Variants in KATNAL2 observed in about 807,000 individuals in gnomAD.
The protein encoded by KATNAL2 is katanin p60 ATPase-containing subunit A-like 2.
In KATNAL2, 52 loss-of-function variants were observed where a neutral mutation model predicts 76.3. The ratio of observed to expected loss-of-function variants is 0.68; its 90% CI spans 0.55 to 0.86. The LOEUF is 0.86. KATNAL2 is among the 40% of genes least tolerant of loss of function. The pLI, the probability that KATNAL2 is intolerant of heterozygous loss-of-function variation, is 0.00. For synonymous variants in KATNAL2, 243 were observed against 244.2 expected, an observed-to-expected ratio of 1.00 and a Z score of 0.05; for missense variants, 660 against 668.9, an observed-to-expected ratio of 0.99 and a Z score of 0.15.
intron 3 of KATNAL2, among the ~76,000 whole-genome samples, chr18:46,947,996 A>T (rs1213708668): frequency 1.3e-5 from 2 of 152,186 alleles, no homozygotes; most frequent in African/African-American, 4.8e-5. Context: ...AAGACACTGA[A>T]TCAGAAACCC....
chr18:47,041,714 T>C (rs1442325741), intron 3 of KATNAL2, among the ~76,000 whole-genome samples: 2 of 152,224 alleles, frequency 1.3e-5, no homozygotes, highest in African/African-American at 2.4e-5. Flanking sequence ...TTTGGGTAAA[T>C]ACCAAGGGTT....
intron 3 of KATNAL2, among the ~76,000 whole-genome samples, chr18:47,039,222 A>G (rs2060879848): frequency 6.6e-6 from 1 of 152,102 alleles, no homozygotes; most frequent in African/African-American, 2.4e-5. Context: ...CACATTTTGC[A>G]TTTTAAAATA....
In KATNAL2 at chr18:47,059,123, C is replaced by T. The variant is rs115023962; in HGVS notation, c.451-433C>T. Among the ~76,000 whole-genome samples, 1,300 of 152,302 alleles carry T rather than the reference C, an allele frequency of 8.5e-3. 11 individuals carry two copies. Among genetic ancestry groups the T allele is most frequent in the Middle Eastern group, 0.044 (13 of 294 alleles). On this transcript the variant is annotated intron_variant, in intron 7 of 17. Coordinates refer to ENST00000683218, the MANE Select transcript of KATNAL2 (RefSeq NM_001387690.1). ...CTCAAGGAGGTCCTACGGTTCTGGC[C>T]GCTGCAGCCTGACTCATGTGGAAGA...
intron 1 of KATNAL2, among the ~76,000 whole-genome samples, chr18:46,940,567 G>T (rs2059218710): frequency 6.6e-6 from 1 of 152,130 alleles, no homozygotes; most frequent in Admixed American, 6.6e-5. Context: ...TTTGCAGTTA[G>T]GCAGGCACAT....
chr18:47,050,663 A>G (rs757254027), intron 4 of KATNAL2, among the ~76,000 whole-genome samples: 4 of 152,248 alleles, frequency 2.6e-5, no homozygotes, highest in Admixed American at 6.5e-5. Context: ...AAATGAGTGG[A>G]CTGTCAAAAC....
chr18:47,094,891 G>A (rs1432898102), intron 15 of KATNAL2, among the ~76,000 whole-genome samples: 2 of 152,084 alleles, frequency 1.3e-5, no homozygotes, highest in South Asian at 4.1e-4. Context: ...GCTACTGGAG[G>A]GGGTGGAAAT....
intron 15 of KATNAL2, 81 bp from the exon 16 acceptor site, chr18:47,099,162 C>A (rs888444103): frequency 1.4e-6 from 2 of 1,425,040 alleles, no homozygotes; most frequent in Admixed American, 2.1e-5. Context: ...TCCTGCAATG[C>A]TAAATTGTTC....
chr18:47,096,582 C>T (rs956916324), intron 15 of KATNAL2, among the ~76,000 whole-genome samples: 3 of 152,100 alleles, frequency 2.0e-5, no homozygotes, highest in Non-Finnish European at 4.4e-5. Context: ...CTCAGCTTCC[C>T]CAAGGGCTGG....
rs34156817 is a variant in KATNAL2 at position 46,921,693 on chromosome 18, C to CA, written c.-510+3779dup. On this transcript the variant is annotated intron_variant, in intron 1 of 17. Transcript: ENST00000683218. Reference sequence around the variant, plus strand: ...ATCTAAACAGCTGATAAACACATAACAAAAAAAAAAAAGCACTTCATTAAG... The same window carrying CA: ...ATCTAAACAGCTGATAAACACATAACAAAAAAAAAAAAAGCACTTCATTAAG... 9.3e-3 allele frequency among the ~76,000 whole-genome samples: 1,288 copies of CA among 137,896 alleles called. 12 individuals carry two copies. The highest frequency in any genetic ancestry group is 0.026 in the African/African-American group (968 of 37,830). 90.5% of individuals were successfully genotyped at this position (137,896 alleles called of 152,430 possible). A position where few individuals can be genotyped will look rare whatever the true frequency, so the allele number is the denominator to read the frequency against.
intron 14 of KATNAL2, 55 bp downstream of exon 14, chr18:47,075,423 CCTCTT>C: frequency 7.8e-7 from 1 of 1,285,310 alleles, no homozygotes; most frequent in Non-Finnish European, 1.0e-6. Context: ...TGGCTTCTCC[CCTCTT>C]GTGTGTTTGA....
intron 15 of KATNAL2, among the ~76,000 whole-genome samples, chr18:47,085,366 T>G (rs1599832178): frequency 6.6e-6 from 1 of 152,196 alleles, no homozygotes; most frequent in Non-Finnish European, 1.5e-5. Context: ...AAGCTAACTT[T>G]GGGAGACATT....
chr18:46,924,980 G>C (rs1477840060), intron 1 of KATNAL2, among the ~76,000 whole-genome samples: 2 of 152,132 alleles, frequency 1.3e-5, no homozygotes, highest in Non-Finnish European at 2.9e-5. Flanking sequence ...AGGAGATTTT[G>C]GGCTGAGATG....
chr18:47,037,536 G>GT (rs959704702), intron 3 of KATNAL2, among the ~76,000 whole-genome samples: 25 of 151,962 alleles, frequency 1.6e-4, no homozygotes, highest in Non-Finnish European at 2.4e-4. Context: ...CTCATTCTTA[G>GT]TTTTTTTTAA....
At chr18:46,922,861 G>A (rs903172800) in intron 1 of KATNAL2, among the ~76,000 whole-genome samples, 5 of 148,678 alleles carry the variant, frequency 3.4e-5, no homozygotes, top group Non-Finnish European at 7.4e-5. Flanking sequence ...ATGGTTATCT[G>A]TATAAGATTT....
At chr18:47,054,370 C>T in intron 5 of KATNAL2, 26 bp from the exon 6 acceptor site, 1 of 1,594,754 alleles carries the variant, frequency 6.3e-7, no homozygotes. Context: ...TATTTTCTTT[C>T]CCTCCCAATG....
intron 3 of KATNAL2, among the ~76,000 whole-genome samples, chr18:47,031,823 C>T (rs1226963617): frequency 2.0e-5 from 3 of 152,128 alleles, no homozygotes; most frequent in Admixed American, 6.5e-5. Flanking sequence ...ATCCCTTTTC[C>T]CAGAAAGAAT....
chr18:47,033,217 T>C (rs1384556516), intron 3 of KATNAL2: 20 of 1,614,008 alleles, frequency 1.2e-5, no homozygotes, highest in South Asian at 2.2e-5. Flanking sequence ...GGAGGGAGTG[T>C]GGCTGCTTCC....
chr18:47,084,164 G>C (rs1206335864), intron 15 of KATNAL2, among the ~76,000 whole-genome samples: 1 of 152,130 alleles, frequency 6.6e-6, no homozygotes, highest in Non-Finnish European at 1.5e-5. Context: ...TCTTTTTTCA[G>C]CCAAATTTGA....
rs2062290675 is a variant in KATNAL2, at chr18:47,077,435, T to C, written c.1185T>C (p.Phe395=). Reference sequence around the variant, plus strand: ...TGGCACGCTCAGAAGATCTCGTATTTGTCTTAGCAGCTTCTAACCTGCCGT... The same window carrying C: ...TGGCACGCTCAGAAGATCTCGTATTCGTCTTAGCAGCTTCTAACCTGCCGT... ...DGLARSEDLV[F]VLAASNLPWE... Residue 395 remains phenylalanine, a synonymous_variant, in exon 15 of 18, where the codon TTT becomes TTC. Coordinates refer to ENST00000683218, the MANE Select transcript of KATNAL2 (RefSeq NM_001387690.1). 6.2e-7 allele frequency: 1 copy of C among 1,613,844 alleles called. No individual in the cohort carries two copies. Among genetic ancestry groups the C allele is most frequent in the African/African-American group, 1.3e-5 (1 of 75,032 alleles).
Sources: allele counts gnomAD v4.1 joint callset (sites outside exome capture counted in the v4.1 genomes callset), GRCh38; gene constraint gnomAD v4.1.1; transcripts MANE v1.5; gene names NCBI Gene and HGNC (gene_info 2026-07-23, HGNC 2026-07-21).